The following IDO2 variants were observed in gnomAD, a reference collection of about 807,000 sequenced individuals.
IDO2 encodes the protein indoleamine 2,3-dioxygenase 2.
Under a neutral mutation model 45.1 loss-of-function variants are expected in IDO2, and 46 were observed. That is an observed-to-expected ratio of 1.02 (90% confidence interval 0.80 to 1.30). The LOEUF is 1.30. Among genes scored for constraint, IDO2 ranks in the 50% most tolerant of loss-of-function variants. IDO2 has a pLI of 0.00. For missense variants in IDO2, 544 were observed against 491.8 expected (o/e 1.11, Z -1.00); for synonymous variants, 218 against 184.9 (o/e 1.18, Z -1.45).
At chr8:39,957,042 C>CAAAAAA (rs56064306) in intron 2 of IDO2, among the ~76,000 whole-genome samples, 24 of 31,270 alleles carry the variant, frequency 7.7e-4, no homozygotes, top group African/African-American at 1.5e-3. Context: ...GACTCCATCT[C>CAAAAAA]AAAAAAAAAA....
At chr8:39,941,964 C>A (rs981835350) in intron 1 of IDO2, among the ~76,000 whole-genome samples, 2 of 152,018 alleles carry the variant, frequency 1.3e-5, no homozygotes, top group African/African-American at 4.8e-5. Flanking sequence ...TGGTACACAC[C>A]TGTAGTCCCA....
intron 3 of IDO2, among the ~76,000 whole-genome samples, chr8:39,978,824 C>A (rs942641401): frequency 6.6e-6 from 1 of 152,104 alleles, no homozygotes; most frequent in Admixed American, 6.5e-5. Flanking sequence ...TGGGGACAAA[C>A]TGTGGGCTCG....
chr8:39,986,895 AACAGAGTCTC>A (rs1808434702), intron 6 of IDO2: 1 of 46,390 alleles, frequency 2.2e-5, no homozygotes, highest in African/African-American at 9.6e-5. Context: ...TTATTATTGC[AACAGAGTCTC>A]ACTCTATCTC....
intron 3 of IDO2, among the ~76,000 whole-genome samples, chr8:39,966,360 T>C (rs1808085799): frequency 6.6e-6 from 1 of 152,132 alleles, no homozygotes; most frequent in Non-Finnish European, 1.5e-5. Context: ...GGAAAATACC[T>C]AACAAATGAA....
intron 2 of IDO2, among the ~76,000 whole-genome samples, chr8:39,961,124 T>C (rs1373851024): frequency 2.6e-5 from 4 of 152,154 alleles, no homozygotes; most frequent in African/African-American, 9.7e-5. Flanking sequence ...TTCAAGCTCA[T>C]TGAGCGTCTG....
chr8:39,998,685 G>T (rs1802088668), intron 8 of IDO2, among the ~76,000 whole-genome samples: 1 of 132,950 alleles, frequency 7.5e-6, no homozygotes, highest in African/African-American at 2.8e-5. Flanking sequence ...CTGTCACCCA[G>T]GCTGGAGTGC....
At chr8:40,014,777 G>A (rs750510269) in intron 10 of IDO2, among the ~76,000 whole-genome samples, 4 of 152,100 alleles carry the variant, frequency 2.6e-5, no homozygotes, top group Admixed American at 1.3e-4. Context: ...ATTTGAGTAC[G>A]TGAAGTCTGC....
intron 1 of IDO2, among the ~76,000 whole-genome samples, chr8:39,943,868 C>A (rs554961701): frequency 6.6e-6 from 1 of 151,844 alleles, no homozygotes; most frequent in Non-Finnish European, 1.5e-5. Context: ...CAACATAGTA[C>A]TTTAAGTCCT....
At chr8:39,961,777 T>G (rs1016244253) in intron 2 of IDO2, among the ~76,000 whole-genome samples, 1 of 152,246 alleles carries the variant, frequency 6.6e-6, no homozygotes, top group African/African-American at 2.4e-5. Flanking sequence ...GACTTTCACC[T>G]GCATTTCTGT....
chr8:39,946,607 T>C lies in IDO2; in HGVS notation c.-17-2542T>C, dbSNP rs1301940667. ...GGGCAACAGAGTGAGAGACTTCATCTCAAAAAAATAAATAGATAAATAACC... is the reference window on the plus strand; with the variant it reads ...GGGCAACAGAGTGAGAGACTTCATCCCAAAAAAATAAATAGATAAATAACC... On this transcript the variant is annotated intron_variant, in intron 1 of 10. Coordinates refer to ENST00000502986, the Ensembl canonical transcript of IDO2. 2.6e-5 allele frequency among the ~76,000 whole-genome samples: 4 copies of C among 151,758 alleles called. No individual in the cohort carries two copies. The East Asian group carries it at 7.8e-4, about 30-fold the overall frequency.
In IDO2 at chr8:40,005,398, T is replaced by G; in HGVS notation, c.719+20T>G. On this transcript the variant is annotated intron_variant, in intron 9 of 10. Transcript: ENST00000502986. ...CTCTGGGTAAGTATAGTTCAGTTGT[T>G]TTCCTGTGTGAAGTCTCTGTAGCAT... 1.3e-6 allele frequency: 2 copies of G among 1,508,820 alleles called. No homozygotes were observed. The highest frequency in any genetic ancestry group is 1.8e-6 in the Non-Finnish European group (2 of 1,105,516). 93.5% of individuals were successfully genotyped at this position (1,508,820 alleles called of 1,614,324 possible).
rs139637779 is a variant in IDO2, at chr8:39,985,595, C to T, written c.449+73C>T. On this transcript the variant is annotated intron_variant, in intron 6 of 10. Transcript: ENST00000502986. The stretch of plus-strand genomic sequence containing the variant: ...TAAAATCTTACAATAAAACAAAGAA[C>T]AAAGCATGCTAAATTATATGTATAA... The T allele has an allele frequency of 4.7e-4, 582 of 1,244,490 alleles. No homozygotes were observed. In the African/African-American group the frequency reaches 7.4e-3, roughly 16 times the overall value. 77.1% of individuals were successfully genotyped at this position (1,244,490 alleles called of 1,614,324 possible). A position where few individuals can be genotyped will look rare whatever the true frequency, so the allele number is the denominator to read the frequency against.
chr8:39,987,852 T>C lies in IDO2; in HGVS notation c.450-19T>C. On this transcript the variant is annotated intron_variant, in intron 6 of 10. Transcript: ENST00000502986. Reference sequence around the variant, plus strand: ...TACAGTCTCCACACCTCTAATCATGTGCTCCTCTCCTTCCCAAGGAACCTG... The same window carrying C: ...TACAGTCTCCACACCTCTAATCATGCGCTCCTCTCCTTCCCAAGGAACCTG... 1 of 1,476,070 alleles carries C rather than the reference T, an allele frequency of 6.8e-7. No individual in the cohort carries two copies. The highest frequency in any genetic ancestry group is 9.4e-7 in the Non-Finnish European group (1 of 1,063,208). 91.4% of individuals were successfully genotyped at this position (1,476,070 alleles called of 1,614,324 possible).
chr8:39,949,296 G>C, intron 2 of IDO2, 32 bp downstream of exon 2: 1 of 1,497,474 alleles, frequency 6.7e-7, no homozygotes. Flanking sequence ...GGATAGGTCA[G>C]AATATGTTTC....
intron 3 of IDO2, among the ~76,000 whole-genome samples, chr8:39,972,338 C>A (rs150099003): frequency 6.6e-6 from 1 of 152,072 alleles, no homozygotes; most frequent in Non-Finnish European, 1.5e-5. Flanking sequence ...CTACTGGGTG[C>A]CGAGCGTGGT....
chr8:39,953,366 T>C (rs1464532547), intron 2 of IDO2, among the ~76,000 whole-genome samples: 3 of 152,192 alleles, frequency 2.0e-5, no homozygotes, highest in African/African-American at 7.2e-5. Context: ...AAGCTCCACC[T>C]AGAATAGTTC....
intron 8 of IDO2, among the ~76,000 whole-genome samples, chr8:39,991,137 A>G (rs1808491220): frequency 6.6e-6 from 1 of 152,222 alleles, no homozygotes; most frequent in Admixed American, 6.5e-5. Context: ...ATAATTTGTC[A>G]TCCCAGCCTC....
intron 3 of IDO2, among the ~76,000 whole-genome samples, chr8:39,971,405 G>A (rs1332892674): frequency 6.6e-6 from 1 of 152,110 alleles, no homozygotes; most frequent in East Asian, 1.9e-4. Context: ...GAGATATACA[G>A]GAAATAAATG....
chr8:39,958,130 C>T (rs1303501848), intron 2 of IDO2, among the ~76,000 whole-genome samples: 1 of 152,120 alleles, frequency 6.6e-6, no homozygotes, highest in Non-Finnish European at 1.5e-5. Flanking sequence ...TGGTCTTGAT[C>T]TCCTGACCTC....
Sources: gnomAD v4.1 joint callset for allele counts (sites outside exome capture counted in the v4.1 genomes callset) on GRCh38, gnomAD v4.1.1 for gene constraint, MANE v1.5 for transcripts, NCBI Gene and HGNC (gene_info 2026-07-23, HGNC 2026-07-21) for gene names.